The following PALM2AKAP2 variants were observed in gnomAD, a reference collection of about 807,000 sequenced individuals.
The protein encoded by PALM2AKAP2 is PALM2-AKAP2 fusion protein.
Under a neutral mutation model 71.5 loss-of-function variants are expected in PALM2AKAP2, and 37 were observed. The ratio of observed to expected loss-of-function variants is 0.52; its 90% CI spans 0.40 to 0.68. PALM2AKAP2 has a LOEUF of 0.68. Among genes scored for constraint, PALM2AKAP2 ranks in the 30% least tolerant of loss-of-function variants. The probability of loss-of-function intolerance (pLI) is 0.00; values close to 1 mark genes in which losing one functional copy is unlikely to be tolerated. For synonymous variants in PALM2AKAP2, 468 were observed against 478.8 expected, an observed-to-expected ratio of 0.98 and a Z score of 0.29; for missense variants, 1,224 against 1,191.8, an observed-to-expected ratio of 1.03 and a Z score of -0.40.
intron 3 of PALM2AKAP2, among the ~76,000 whole-genome samples, chr9:109,911,612 A>C (rs1017161418): frequency 3.9e-5 from 6 of 152,198 alleles, no homozygotes; most frequent in African/African-American, 1.4e-4. Flanking sequence ...TGAATATCTA[A>C]ATTTGTATAT....
intron 6 of PALM2AKAP2, among the ~76,000 whole-genome samples, chr9:109,983,000 A>C (rs902693674): frequency 2.0e-5 from 3 of 152,190 alleles, no homozygotes; most frequent in African/African-American, 7.2e-5. Flanking sequence ...ATTAGATCCC[A>C]TTAGTCTTGG....
chr9:109,877,488 T>C (rs1017263963), intron 2 of PALM2AKAP2, among the ~76,000 whole-genome samples: 1 of 152,088 alleles, frequency 6.6e-6, no homozygotes, highest in African/African-American at 2.4e-5. Context: ...GAAAGGGCCA[T>C]AGAGTGTGTC....
chr9:109,687,110 C>G (rs1008086729), intron 1 of PALM2AKAP2, among the ~76,000 whole-genome samples: 5 of 152,154 alleles, frequency 3.3e-5, no homozygotes, highest in African/African-American at 4.8e-5. Context: ...CAAGTCTTTG[C>G]TATTGTGAAT....
chr9:109,719,795 C>T (rs1828379145), intron 1 of PALM2AKAP2, among the ~76,000 whole-genome samples: 1 of 152,218 alleles, frequency 6.6e-6, no homozygotes, highest in East Asian at 1.9e-4. Context: ...CTTAGATTCC[C>T]TAAGCTCTTC....
At chr9:109,817,117 A>C (rs904200907) in intron 1 of PALM2AKAP2, among the ~76,000 whole-genome samples, 24 of 152,228 alleles carry the variant, frequency 1.6e-4, no homozygotes, top group Admixed American at 2.6e-4. Context: ...ATGTATTATA[A>C]AGCTTCTTTA....
At chr9:109,980,760 C>T (rs1189510475) in intron 6 of PALM2AKAP2, among the ~76,000 whole-genome samples, 1 of 152,206 alleles carries the variant, frequency 6.6e-6, no homozygotes, top group African/African-American at 2.4e-5. Flanking sequence ...ACATACAGGC[C>T]AATTGTTCTA....
chr9:109,832,950 G>A (rs182910645), intron 1 of PALM2AKAP2, among the ~76,000 whole-genome samples: 1 of 152,166 alleles, frequency 6.6e-6, no homozygotes, highest in Non-Finnish European at 1.5e-5. Flanking sequence ...GGCTCCTTTC[G>A]TCCCTGCAGC....
At chr9:109,839,596 G>C (rs1194768053) in intron 1 of PALM2AKAP2, among the ~76,000 whole-genome samples, 1 of 152,204 alleles carries the variant, frequency 6.6e-6, no homozygotes, top group African/African-American at 2.4e-5. Flanking sequence ...AAGTCAAATT[G>C]TCCCTGTTTG....
intron 1 of PALM2AKAP2, among the ~76,000 whole-genome samples, chr9:109,707,021 C>T (rs1033484055): frequency 5.3e-5 from 8 of 152,180 alleles, no homozygotes; most frequent in Admixed American, 2.0e-4. Context: ...GACTAGTACA[C>T]TAAGTGAGTG....
At chr9:110,025,949 T>G (rs1295903162) in intron 7 of PALM2AKAP2, among the ~76,000 whole-genome samples, 2 of 152,210 alleles carry the variant, frequency 1.3e-5, no homozygotes, top group African/African-American at 4.8e-5. Flanking sequence ...ACCCTCTTCT[T>G]GACTGTGGCA....
At chr9:109,774,574 A>G (rs1348563509) in intron 1 of PALM2AKAP2, among the ~76,000 whole-genome samples, 2 of 152,164 alleles carry the variant, frequency 1.3e-5, no homozygotes, top group African/African-American at 2.4e-5. Flanking sequence ...ATAATAAATG[A>G]CATAGGGCAG....
At chr9:110,065,641 A>G (rs377270085) in intron 1 of PALM2AKAP2, among the ~76,000 whole-genome samples, 13 of 152,352 alleles carry the variant, frequency 8.5e-5, no homozygotes, top group African/African-American at 2.4e-4. Context: ...CGTCCCCACC[A>G]TCCATTCACA....
chr9:109,799,831 T>C (rs548949021), intron 1 of PALM2AKAP2, among the ~76,000 whole-genome samples: 26 of 152,266 alleles, frequency 1.7e-4, no homozygotes, highest in African/African-American at 6.3e-4. Context: ...ATTCTTTTTA[T>C]ACTGAAACCC....
At chr9:109,679,679 G>A (rs959936673) in intron 1 of PALM2AKAP2, among the ~76,000 whole-genome samples, 1 of 152,076 alleles carries the variant, frequency 6.6e-6, no homozygotes, top group African/African-American at 2.4e-5. Context: ...TCTAGCCCCA[G>A]GTATGTGAGC....
intron 1 of PALM2AKAP2, among the ~76,000 whole-genome samples, chr9:109,752,247 A>G (rs931203871): frequency 6.6e-6 from 1 of 152,146 alleles, no homozygotes; most frequent in Admixed American, 6.6e-5. Flanking sequence ...TGAAGGTAGA[A>G]TGCAAGAAGA....
intron 1 of PALM2AKAP2, among the ~76,000 whole-genome samples, chr9:109,675,846 C>G (rs1402546330): frequency 6.6e-6 from 1 of 152,290 alleles, no homozygotes; most frequent in Non-Finnish European, 1.5e-5. Context: ...TCAACACTTA[C>G]CTATGCCTTG....
At chr9:109,739,519 C>G (rs1006605017) in intron 1 of PALM2AKAP2, among the ~76,000 whole-genome samples, 5 of 152,166 alleles carry the variant, frequency 3.3e-5, no homozygotes, top group African/African-American at 1.2e-4. Context: ...TCTTAGAGGT[C>G]TCCTAGTTGA....
At position 110,165,684 on chromosome 9, in the gene PALM2AKAP2, G is replaced by A. The variant is rs190726082; in HGVS notation, c.2749-2715G>A. ...TTGACAAGTAGATGTCCAAACCCAAGCTATACTAAACGTTTCCATAATTAT... is the reference window on the plus strand; with the variant it reads ...TTGACAAGTAGATGTCCAAACCCAAACTATACTAAACGTTTCCATAATTAT... On this transcript the variant is annotated intron_variant, in intron 3 of 3. Transcript: ENST00000374525. Among the ~76,000 whole-genome samples, 581 of 152,244 alleles carry A rather than the reference G, an allele frequency of 3.8e-3. 9 individuals carry two copies. The highest frequency in any genetic ancestry group is 1.0e-3 in the Non-Finnish European group (71 of 68,022).
chr9:109,896,581 C>G (rs755771499), intron 3 of PALM2AKAP2, among the ~76,000 whole-genome samples: 1 of 151,968 alleles, frequency 6.6e-6, no homozygotes, highest in Non-Finnish European at 1.5e-5. Flanking sequence ...CAGCCTGAGG[C>G]GTGAAGATTG....
Sources: allele counts gnomAD v4.1 joint callset (sites outside exome capture counted in the v4.1 genomes callset), GRCh38; gene constraint gnomAD v4.1.1; transcripts MANE v1.5; gene names NCBI Gene and HGNC (gene_info 2026-07-23, HGNC 2026-07-21).